HYCC1: variants seen among roughly 807,000 people sequenced by gnomAD.
The protein encoded by HYCC1 is hyccin.
At chr7:22,925,807 A>G in the HYCC1 span, among the ~76,000 whole-genome samples, 24 of 152,340 alleles carry the variant, frequency 1.6e-4, no homozygotes, top group Non-Finnish European at 2.9e-5. Flanking sequence ...GCAGGCCAAC[A>G]TTCAAATTCA....
At chr7:22,971,833 A>G in the HYCC1 span, among the ~76,000 whole-genome samples, 1 of 152,230 alleles carries the variant, frequency 6.6e-6, no homozygotes, top group Non-Finnish European at 1.5e-5. Context: ...TAAGAGCTTA[A>G]TAAAGTCTGC....
the HYCC1 span, chr7:22,960,552 A>T: frequency 1.4e-6 from 1 of 713,386 alleles, no homozygotes; most frequent in African/African-American, 1.8e-5. Flanking sequence ...ATGATACAGA[A>T]ATCCTCTAAG....
At chr7:22,946,045 A>T in the HYCC1 span, 1 of 1,613,692 alleles carries the variant, frequency 6.2e-7, no homozygotes, top group East Asian at 2.2e-5. Context: ...TGTTACTACA[A>T]TTGTGACTAC....
the HYCC1 span, among the ~76,000 whole-genome samples, chr7:23,002,513 T>C: frequency 1.3e-5 from 2 of 152,030 alleles, no homozygotes; most frequent in Admixed American, 1.3e-4. Context: ...CTAAACAAAT[T>C]CAATTAAATT....
chr7:22,935,189 CTCAA>C, the HYCC1 span: 1 of 152,200 alleles, frequency 6.6e-6, no homozygotes, highest in Non-Finnish European at 1.5e-5. Flanking sequence ...GCTTGTTGTT[CTCAA>C]TGAGTGTTGC....
the HYCC1 span, among the ~76,000 whole-genome samples, chr7:22,998,419 G>A: frequency 6.6e-6 from 1 of 152,036 alleles, no homozygotes; most frequent in African/African-American, 2.4e-5. Flanking sequence ...ACTACGATGA[G>A]CACTTCTTAT....
the HYCC1 span, among the ~76,000 whole-genome samples, chr7:22,981,308 T>C: frequency 6.6e-6 from 1 of 152,210 alleles, no homozygotes; most frequent in Admixed American, 6.5e-5. Flanking sequence ...GAAAAAGTAC[T>C]ATTAGTGAAG....
the HYCC1 span, among the ~76,000 whole-genome samples, chr7:22,913,833 G>C: frequency 1.3e-5 from 2 of 152,086 alleles, no homozygotes; most frequent in African/African-American, 4.8e-5. Context: ...TGTGACATTT[G>C]GTGCCAAAGA....
the HYCC1 span, among the ~76,000 whole-genome samples, chr7:22,922,649 T>A: frequency 3.3e-5 from 5 of 152,372 alleles, no homozygotes; most frequent in East Asian, 9.6e-4. Context: ...AGGGACCATC[T>A]GTATATGTTG....
the HYCC1 span, among the ~76,000 whole-genome samples, chr7:22,910,110 T>C: frequency 6.6e-6 from 1 of 152,224 alleles, no homozygotes; most frequent in African/African-American, 2.4e-5. Flanking sequence ...CAGCAAGGCA[T>C]GCCAAGTACT....
At chr7:23,002,773 C>T in the HYCC1 span, among the ~76,000 whole-genome samples, 1 of 152,120 alleles carries the variant, frequency 6.6e-6, no homozygotes, top group Non-Finnish European at 1.5e-5. Flanking sequence ...GCTAGGGCTG[C>T]CGTAACAAAG....
the HYCC1 span, among the ~76,000 whole-genome samples, chr7:22,997,896 T>A: frequency 6.6e-6 from 1 of 152,206 alleles, no homozygotes; most frequent in Non-Finnish European, 1.5e-5. Flanking sequence ...AAACCATCTT[T>A]TGCCTACCCC....
the HYCC1 span, among the ~76,000 whole-genome samples, chr7:22,968,598 A>C: frequency 6.6e-6 from 1 of 152,288 alleles, no homozygotes; most frequent in East Asian, 1.9e-4. Flanking sequence ...ATATGGCCCT[A>C]TAGGGGTATG....
chr7:22,989,544 G>C, the HYCC1 span, among the ~76,000 whole-genome samples: 2 of 151,214 alleles, frequency 1.3e-5, no homozygotes, highest in African/African-American at 4.9e-5. Context: ...TTTTTGGAGA[G>C]AGGGGGTCTT....
the HYCC1 span, among the ~76,000 whole-genome samples, chr7:22,898,386 G>A: frequency 6.6e-6 from 1 of 151,508 alleles, no homozygotes; most frequent in African/African-American, 2.4e-5. Context: ...GCTAATTTTT[G>A]TATTTTTAGT....
the HYCC1 span, among the ~76,000 whole-genome samples, chr7:22,953,268 A>T: frequency 1.3e-5 from 2 of 151,936 alleles, no homozygotes; most frequent in African/African-American, 2.4e-5. Flanking sequence ...TTACAAAACT[A>T]CCTGTAAAAG....
At chr7:22,902,260 G>C in the HYCC1 span, among the ~76,000 whole-genome samples, 24 of 152,028 alleles carry the variant, frequency 1.6e-4, no homozygotes, top group African/African-American at 5.5e-4. Flanking sequence ...AAAAATATAT[G>C]GGATGTGGGT....
At chr7:22,970,886 C>G in the HYCC1 span, among the ~76,000 whole-genome samples, 1 of 152,194 alleles carries the variant, frequency 6.6e-6, no homozygotes, top group African/African-American at 2.4e-5. Flanking sequence ...TTTCCCTTCA[C>G]AAATCCAAAC....
chr7:22,983,810 GTACAC>G, the HYCC1 span: 1 of 658,684 alleles, frequency 1.5e-6, no homozygotes, highest in Non-Finnish European at 2.7e-6. Context: ...TTGGGGAATG[GTACAC>G]TAGAGTTCAT....
Sources: allele counts gnomAD v4.1 joint callset (sites outside exome capture counted in the v4.1 genomes callset), GRCh38; gene constraint gnomAD v4.1.1; transcripts MANE v1.5; gene names NCBI Gene and HGNC (gene_info 2026-07-23, HGNC 2026-07-21).